Variants in PLXDC2 observed in about 807,000 individuals in gnomAD.
The protein encoded by PLXDC2 is plexin domain containing 2.
In PLXDC2, 40 loss-of-function variants were observed where a neutral mutation model predicts 68.9. The ratio of observed to expected loss-of-function variants is 0.58; its 90% CI spans 0.45 to 0.76. The LOEUF (loss-of-function observed/expected upper bound fraction) is 0.76, where lower values mean the gene tolerates loss of function less well. PLXDC2 is among the 30% of genes least tolerant of loss of function. The pLI is 0.00. For missense variants in PLXDC2, 644 were observed against 661.9 expected, an observed-to-expected ratio of 0.97 and a Z score of 0.30; for synonymous variants, 243 against 234.2, an observed-to-expected ratio of 1.04 and a Z score of -0.34.
chr10:20,113,020 G>T (rs1833578202), intron 4 of PLXDC2, among the ~76,000 whole-genome samples: 1 of 152,220 alleles, frequency 6.6e-6, no homozygotes, highest in African/African-American at 2.4e-5. Flanking sequence ...CAGGTACAGA[G>T]ATGCAAATTC....
intron 4 of PLXDC2, among the ~76,000 whole-genome samples, chr10:20,090,673 T>C (rs1191524752): frequency 6.6e-6 from 1 of 152,156 alleles, no homozygotes; most frequent in African/African-American, 2.4e-5. Flanking sequence ...TTGGATATTT[T>C]CTCTGTGCAT....
At chr10:20,093,517 G>C (rs1002093805) in intron 4 of PLXDC2, among the ~76,000 whole-genome samples, 3 of 152,112 alleles carry the variant, frequency 2.0e-5, no homozygotes, top group Non-Finnish European at 4.4e-5. Context: ...GTCTTTGGTG[G>C]CCACTCACTT....
chr10:19,894,947 A>T (rs552978650), intron 1 of PLXDC2, among the ~76,000 whole-genome samples: 1 of 152,358 alleles, frequency 6.6e-6, no homozygotes, highest in South Asian at 2.1e-4. Context: ...AAAGGATTAT[A>T]AATCGTTCTA....
intron 1 of PLXDC2, among the ~76,000 whole-genome samples, chr10:19,838,583 C>G (rs1205005346): frequency 2.0e-5 from 3 of 152,122 alleles, no homozygotes; most frequent in Non-Finnish European, 4.4e-5. Context: ...ATTATTCAGT[C>G]TTATAGAACA....
intron 1 of PLXDC2, among the ~76,000 whole-genome samples, chr10:19,889,068 T>G (rs1455325764): frequency 5.9e-5 from 9 of 152,154 alleles, no homozygotes; most frequent in Admixed American, 1.3e-4. Context: ...AAACATTTTT[T>G]ATGATAATAT....
At chr10:20,094,575 CAA>C (rs1288737200) in intron 4 of PLXDC2, among the ~76,000 whole-genome samples, 2 of 151,600 alleles carry the variant, frequency 1.3e-5, no homozygotes, top group Non-Finnish European at 2.9e-5. Flanking sequence ...CTGATCTCAT[CAA>C]AGTCTGGTAG....
chr10:20,044,126 C>CCTTCCTTCCTTCCTTCCTT lies in PLXDC2; in HGVS notation c.325-2742_325-2741insTTCCTTCCTTCCTTCCTTC, dbSNP rs1564293709. ...TTCCTTCCTTCCTTCCTTCCTTCCT[C>CCTTCCTTCCTTCCTTCCTT]CCTCCCTCCCTCTCTCTCTTTTTCC... On this transcript the variant is annotated intron_variant, in intron 2 of 13. Transcript: ENST00000377252. 3.3e-3 allele frequency among the ~76,000 whole-genome samples: 49 copies of CCTTCCTTCCTTCCTTCCTT among 15,050 alleles called. 3 individuals are homozygous for CCTTCCTTCCTTCCTTCCTT. The highest frequency in any genetic ancestry group is 8.9e-3 in the African/African-American group (36 of 4,050). 9.9% of individuals were successfully genotyped at this position (15,050 alleles called of 152,430 possible). A position where few individuals can be genotyped will look rare whatever the true frequency, so the allele number is the denominator to read the frequency against.
Position 20,242,927 on chromosome 10 carries a change from G to C in PLXDC2, c.1313-2418G>C, listed in dbSNP as rs191874268. 4.9e-4 allele frequency among the ~76,000 whole-genome samples: 74 copies of C among 152,150 alleles called. 1 individual carries two copies. In the East Asian group the frequency reaches 0.013, roughly 26 times the overall value. ...GGTTTCTGCCATGTTGGCCGGGCTG[G>C]TCTCAAACTCCTGACCTCAGGTGAT... On this transcript the variant is annotated intron_variant, in intron 12 of 13. Transcript: ENST00000377252.
chr10:20,012,359 C>T (rs1332659706), intron 2 of PLXDC2, among the ~76,000 whole-genome samples: 1 of 118,272 alleles, frequency 8.5e-6, no homozygotes, highest in African/African-American at 3.2e-5. Context: ...GCTGTGTTTC[C>T]CAGGCTGGAG....
intron 2 of PLXDC2, among the ~76,000 whole-genome samples, chr10:20,003,388 T>C (rs1183839542): frequency 1.3e-5 from 2 of 152,148 alleles, no homozygotes; most frequent in South Asian, 2.1e-4. Flanking sequence ...CCAGAGGTTG[T>C]TGGCATGGCA....
intron 1 of PLXDC2, among the ~76,000 whole-genome samples, chr10:19,934,203 A>C (rs117788104): frequency 0.02 from 3,029 of 152,326 alleles, 53 homozygotes; most frequent in Middle Eastern, 0.071. Flanking sequence ...TCCTAAAGTT[A>C]TTTAGAATCT....
At chr10:19,841,124 C>T (rs146510561) in intron 1 of PLXDC2, among the ~76,000 whole-genome samples, 2,445 of 152,312 alleles carry the variant, frequency 0.016, 31 homozygotes, top group Non-Finnish European at 0.025. Flanking sequence ...TCGAATCCTT[C>T]TCTTCAAATC....
chr10:20,050,230 TA>T (rs1835868970), intron 3 of PLXDC2, among the ~76,000 whole-genome samples: 1 of 152,142 alleles, frequency 6.6e-6, no homozygotes, highest in Non-Finnish European at 1.5e-5. Context: ...ACTAAAGACT[TA>T]GATGTAAAAC....
At chr10:20,098,018 G>A (rs947658993) in intron 4 of PLXDC2, among the ~76,000 whole-genome samples, 2 of 150,928 alleles carry the variant, frequency 1.3e-5, no homozygotes, top group East Asian at 3.9e-4. Flanking sequence ...GGTGGAGAGA[G>A]ACTAACTATA....
intron 4 of PLXDC2, among the ~76,000 whole-genome samples, chr10:20,095,472 A>G (rs1459098006): frequency 6.6e-6 from 1 of 152,218 alleles, no homozygotes; most frequent in Admixed American, 6.5e-5. Flanking sequence ...CATAAGAACT[A>G]TGGAAAAAAT....
At chr10:20,093,302 A>G (rs1833305781) in intron 4 of PLXDC2, among the ~76,000 whole-genome samples, 1 of 152,076 alleles carries the variant, frequency 6.6e-6, no homozygotes, top group Non-Finnish European at 1.5e-5. Flanking sequence ...AATTTAGGAG[A>G]ATGTATGAGA....
chr10:20,031,664 G>T (rs1350852624), intron 2 of PLXDC2, among the ~76,000 whole-genome samples: 1 of 152,078 alleles, frequency 6.6e-6, no homozygotes, highest in South Asian at 2.1e-4. Context: ...TTTCTAGGAG[G>T]TGACAAAGCC....
At chr10:20,129,157 G>T (rs995031112) in intron 4 of PLXDC2, among the ~76,000 whole-genome samples, 3 of 151,936 alleles carry the variant, frequency 2.0e-5, no homozygotes, top group African/African-American at 7.3e-5. Context: ...TATCTTTCAT[G>T]TTGCTCATAA....
intron 9 of PLXDC2, among the ~76,000 whole-genome samples, chr10:20,202,993 A>G (rs1016175466): frequency 3.9e-5 from 6 of 152,100 alleles, no homozygotes; most frequent in African/African-American, 1.4e-4. Flanking sequence ...CATTTTGCCA[A>G]CATCATCAGT....
Sources: gnomAD v4.1 joint callset for allele counts (sites outside exome capture counted in the v4.1 genomes callset) on GRCh38, gnomAD v4.1.1 for gene constraint, MANE v1.5 for transcripts, NCBI Gene and HGNC (gene_info 2026-07-23, HGNC 2026-07-21) for gene names.